Variants in ARHGAP26 observed in about 807,000 individuals in gnomAD.
ARHGAP26 encodes rho GTPase-activating protein 26.
ARHGAP26 carries 38 observed loss-of-function variants against 104.8 expected under a neutral mutation model. The observed-to-expected ratio is 0.36, with a 90% CI of 0.28 to 0.48. The LOEUF (loss-of-function observed/expected upper bound fraction) is 0.48, where lower values mean the gene tolerates loss of function less well. Among genes scored for constraint, ARHGAP26 ranks in the 20% least tolerant of loss-of-function variants. ARHGAP26 has a pLI of 0.99. For missense variants in ARHGAP26, 704 were observed against 947.9 expected (o/e 0.74, Z 3.38); for synonymous variants, 341 against 340.0 (o/e 1.00, Z -0.03).
chr5:143,195,364 T>C (rs772355803), intron 20 of ARHGAP26, among the ~76,000 whole-genome samples: 6 of 152,208 alleles, frequency 3.9e-5, no homozygotes, highest in Non-Finnish European at 7.3e-5. Flanking sequence ...CTAATTTTAG[T>C]TACTCCTTTG....
intron 13 of ARHGAP26, chr5:143,041,500 A>C (rs1372238655): frequency 9.0e-6 from 2 of 221,460 alleles, no homozygotes; most frequent in East Asian, 1.9e-4. Flanking sequence ...GACATATTTA[A>C]AAGTGTACAT....
intron 11 of ARHGAP26, among the ~76,000 whole-genome samples, chr5:142,962,559 C>T (rs1006065822): frequency 3.3e-5 from 5 of 152,164 alleles, no homozygotes; most frequent in African/African-American, 1.2e-4. Context: ...CAGAAATCCA[C>T]AAGAATTTTC....
At chr5:143,004,802 G>C (rs1381060833) in intron 11 of ARHGAP26, among the ~76,000 whole-genome samples, 1 of 152,184 alleles carries the variant, frequency 6.6e-6, no homozygotes, top group Non-Finnish European at 1.5e-5. Context: ...GAGCCAGAGG[G>C]TGGAGCCAAC....
intron 11 of ARHGAP26, among the ~76,000 whole-genome samples, chr5:142,993,420 C>T (rs560300932): frequency 8.5e-5 from 13 of 152,106 alleles, no homozygotes; most frequent in South Asian, 2.1e-4. Context: ...CCACCTGCCT[C>T]GGCCTCCCAA....
intron 17 of ARHGAP26, among the ~76,000 whole-genome samples, chr5:143,098,410 A>G (rs976842312): frequency 2.0e-5 from 3 of 152,172 alleles, no homozygotes; most frequent in African/African-American, 7.2e-5. Flanking sequence ...TGGTGAATTC[A>G]AGTTTGACTT....
chr5:142,809,427 G>A (rs968645201), intron 1 of ARHGAP26, among the ~76,000 whole-genome samples: 2 of 152,178 alleles, frequency 1.3e-5, no homozygotes, highest in African/African-American at 2.4e-5. Context: ...GCAGCACTCT[G>A]TTCTTCCTGT....
chr5:142,943,921 T>C (rs1374506674), intron 11 of ARHGAP26, among the ~76,000 whole-genome samples: 1 of 152,248 alleles, frequency 6.6e-6, no homozygotes, highest in East Asian at 1.9e-4. Flanking sequence ...GTGAGACTTT[T>C]TGAACCTTCT....
intron 14 of ARHGAP26, among the ~76,000 whole-genome samples, chr5:143,048,001 C>A (rs998094150): frequency 4.6e-5 from 7 of 152,070 alleles, no homozygotes; most frequent in African/African-American, 1.7e-4. Context: ...TGCATGCCCC[C>A]ACACCAGGCT....
chr5:142,835,104 G>A (rs1231598576), intron 1 of ARHGAP26, among the ~76,000 whole-genome samples: 1 of 152,180 alleles, frequency 6.6e-6, no homozygotes, highest in Non-Finnish European at 1.5e-5. Context: ...GAGCTTTTAA[G>A]GATTGCTTTT....
At chr5:143,102,614 C>T (rs1416033540) in intron 17 of ARHGAP26, among the ~76,000 whole-genome samples, 4 of 152,214 alleles carry the variant, frequency 2.6e-5, no homozygotes, top group East Asian at 1.9e-4. Flanking sequence ...CCTGTTGCGT[C>T]GCCCATCCGG....
At chr5:143,108,495 G>A (rs971525538) in intron 17 of ARHGAP26, among the ~76,000 whole-genome samples, 1 of 152,132 alleles carries the variant, frequency 6.6e-6, no homozygotes, top group Non-Finnish European at 1.5e-5. Context: ...TACCGTGACA[G>A]GACATATAGG....
Position 143,207,196 on chromosome 5 carries a change from A to T in ARHGAP26, c.1989-2A>T. 1.2e-6 allele frequency: 2 copies of T among 1,612,486 alleles called. No individual in the cohort carries two copies. Among genetic ancestry groups the T allele is most frequent in the Non-Finnish European group, 1.7e-6 (2 of 1,179,062 alleles). ...AAGTTTTCTGGTTGTTATGTCTTGC[A>T]GCCCCCCGAATCCAAGCCCAACTTC... On this transcript the variant is annotated splice_acceptor_variant, in intron 20 of 22. Transcript: ENST00000645722. LOFTEE classifies it high-confidence loss of function.
intron 20 of ARHGAP26, among the ~76,000 whole-genome samples, chr5:143,175,105 A>C (rs757202485): frequency 2.0e-5 from 3 of 152,218 alleles, no homozygotes; most frequent in Non-Finnish European, 2.9e-5. Context: ...AAGGAGCCCA[A>C]ATGTTCTCTC....
chr5:143,085,121 G>T (rs1044698896), intron 17 of ARHGAP26, among the ~76,000 whole-genome samples: 1 of 151,440 alleles, frequency 6.6e-6, no homozygotes, highest in Non-Finnish European at 1.5e-5. Context: ...TGCGTTGTGC[G>T]AATTGTGGTC....
At chr5:142,850,026 C>T (rs1283136120) in intron 1 of ARHGAP26, among the ~76,000 whole-genome samples, 2 of 152,248 alleles carry the variant, frequency 1.3e-5, no homozygotes, top group African/African-American at 2.4e-5. Flanking sequence ...AGCCACCTCA[C>T]TTGGATCTTT....
intron 9 of ARHGAP26, among the ~76,000 whole-genome samples, chr5:142,912,141 A>G (rs1761916465): frequency 6.6e-6 from 1 of 152,264 alleles, no homozygotes; most frequent in South Asian, 2.1e-4. Context: ...AATCAGGGAC[A>G]GCAACTTCTG....
intron 5 of ARHGAP26, among the ~76,000 whole-genome samples, chr5:142,886,502 C>G (rs542589926): frequency 6.6e-6 from 1 of 152,276 alleles, no homozygotes; most frequent in South Asian, 2.1e-4. Context: ...ACTGTAGCAG[C>G]AACAAAGGTT....
At chr5:142,943,017 G>A (rs1766601471) in intron 11 of ARHGAP26, among the ~76,000 whole-genome samples, 1 of 152,208 alleles carries the variant, frequency 6.6e-6, no homozygotes, top group South Asian at 2.1e-4. Context: ...CTGGCCTCAA[G>A]TGATCCACCT....
intron 11 of ARHGAP26, among the ~76,000 whole-genome samples, chr5:142,947,362 G>A (rs1211306262): frequency 1.3e-5 from 2 of 152,126 alleles, no homozygotes; most frequent in African/African-American, 2.4e-5. Flanking sequence ...ATATACTGGA[G>A]TACTTCTTAA....
Sources: gnomAD v4.1 joint callset for allele counts (sites outside exome capture counted in the v4.1 genomes callset) on GRCh38, gnomAD v4.1.1 for gene constraint, MANE v1.5 for transcripts, NCBI Gene and HGNC (gene_info 2026-07-23, HGNC 2026-07-21) for gene names.